FANCA: variants seen among roughly 807,000 people sequenced by gnomAD.
FANCA encodes Fanconi anemia group A protein.
A neutral mutation model predicts 194.3 loss-of-function variants in FANCA; 236 were observed. The ratio of observed to expected loss-of-function variants is 1.21; its 90% CI spans 1.09 to 1.35. FANCA has a LOEUF of 1.35. FANCA is among the 40% of genes most tolerant of loss of function. FANCA has a pLI of 0.00. For synonymous variants in FANCA, 1,014 were observed against 715.8 expected, an observed-to-expected ratio of 1.42 and a Z score of -6.65; for missense variants, 2,628 against 1,813.9, an observed-to-expected ratio of 1.45 and a Z score of -8.15.
intron 2 of FANCA, among the ~76,000 whole-genome samples, chr16:89,815,603 G>C (rs1369410937): frequency 6.6e-6 from 1 of 151,928 alleles, no homozygotes; most frequent in Non-Finnish European, 1.5e-5. Flanking sequence ...TGATCCACCC[G>C]CCTTGGCCTC....
At chr16:89,814,443 C>T (rs1161370357) in intron 3 of FANCA, 77 bp downstream of exon 3, 1 of 1,157,910 alleles carries the variant, frequency 8.6e-7, no homozygotes, top group South Asian at 1.3e-5. Context: ...TACATTTCTA[C>T]TTAATTTAGC....
intron 5 of FANCA, among the ~76,000 whole-genome samples, chr16:89,809,882 T>C (rs1286276319): frequency 1.4e-5 from 2 of 147,610 alleles, no homozygotes; most frequent in African/African-American, 5.0e-5. Context: ...AAAAATTAAC[T>C]GGGCATGGTG....
intron 3 of FANCA, among the ~76,000 whole-genome samples, chr16:89,813,882 AC>A (rs1567656970): frequency 1.3e-5 from 2 of 152,122 alleles, no homozygotes; most frequent in Admixed American, 1.3e-4. Context: ...GCAGAAAAAA[AC>A]AAACTCAAAA....
chr16:89,805,105 T>A (rs565399819), intron 7 of FANCA, among the ~76,000 whole-genome samples, 175 bp downstream of exon 7: 1 of 152,136 alleles, frequency 6.6e-6, no homozygotes, highest in African/African-American at 2.4e-5. Context: ...TATTTCCACA[T>A]CAGTCAAGTA....
chr16:89,779,189 C>T (rs753806885), intron 18 of FANCA, among the ~76,000 whole-genome samples, 186 bp from the exon 19 acceptor site: 4 of 152,124 alleles, frequency 2.6e-5, no homozygotes, highest in Non-Finnish European at 5.9e-5. Context: ...TAGCCCAGCC[C>T]TGAGTCCGTG....
chr16:89,781,366 A>AAAC (rs1470668229), intron 17 of FANCA, among the ~76,000 whole-genome samples: 9 of 144,404 alleles, frequency 6.2e-5, no homozygotes, highest in Non-Finnish European at 1.1e-4. Flanking sequence ...TCCATTCCAA[A>AAAC]AAAAAAAAAA....
chr16:89,764,166 C>G (rs538281951), intron 28 of FANCA, among the ~76,000 whole-genome samples: 1 of 146,660 alleles, frequency 6.8e-6, no homozygotes, highest in East Asian at 2.1e-4. Context: ...TGCTTGAACC[C>G]AGGAGGCAGA....
At position 89,742,784 on chromosome 16, in the gene FANCA, G is replaced by T. The variant is rs745639466; in HGVS notation, c.3765+16C>A. ...CTTGCGAGAAAATAAATCAGTAAAA[G>T]AATTTCCTATCTTGCCTCCTCTCTC... On this transcript the variant is annotated intron_variant, in intron 37 of 42. Transcript: ENST00000389301. The T allele has an allele frequency of 3.8e-6, 6 of 1,599,738 alleles. No individual in the cohort carries two copies. The East Asian group carries it at 6.8e-5, about 18-fold the overall frequency.
At chr16:89,766,306 A>G (rs563897504) in intron 27 of FANCA, among the ~76,000 whole-genome samples, 1 of 152,122 alleles carries the variant, frequency 6.6e-6, no homozygotes, top group East Asian at 1.9e-4. Flanking sequence ...GAAAACCACT[A>G]TTTTATACAC....
At chr16:89,740,288 G>A (rs1177543932) in intron 38 of FANCA, 189 bp from the exon 39 acceptor site, 1 of 613,340 alleles carries the variant, frequency 1.6e-6, no homozygotes, top group African/African-American at 1.8e-5. Context: ...AGGAGGCCAG[G>A]GACTTCGAGC....
At chr16:89,789,976 A>T (rs1332440940) in intron 14 of FANCA, among the ~76,000 whole-genome samples, 3 of 152,278 alleles carry the variant, frequency 2.0e-5, no homozygotes, top group African/African-American at 7.2e-5. Flanking sequence ...GGCGAGTCTA[A>T]TGCCCACTTA....
chr16:89,809,695 CA>C lies in FANCA; in HGVS notation c.522+1011del, dbSNP rs1286109244. Among the ~76,000 whole-genome samples, 4 of 151,338 alleles carry C rather than the reference CA, an allele frequency of 2.6e-5. No individual in the cohort carries two copies. The South Asian group carries it at 6.3e-4, about 24-fold the overall frequency. On this transcript the variant is annotated intron_variant, in intron 5 of 42. Coordinates refer to ENST00000389301, the MANE Select transcript of FANCA (RefSeq NM_000135.4). ...AGAAACCCCGTCTCTACTAAAAATA[CA>C]AAAAAAATTAGCCAGGCATGGTGGC...
At chr16:89,756,761 G>A (rs1474003513) in intron 30 of FANCA, among the ~76,000 whole-genome samples, 1 of 151,362 alleles carries the variant, frequency 6.6e-6, no homozygotes, top group East Asian at 1.9e-4. Context: ...GGGGAAGCTG[G>A]AAGGCTGAAG....
chr16:89,754,239 A>G (rs995772682), intron 30 of FANCA, among the ~76,000 whole-genome samples: 1 of 119,660 alleles, frequency 8.4e-6, no homozygotes, highest in Non-Finnish European at 1.6e-5. Flanking sequence ...AAAAAACAAA[A>G]CAAAACAACA....
chr16:89,793,912 G>A (rs973379419), intron 11 of FANCA, among the ~76,000 whole-genome samples: 2 of 152,098 alleles, frequency 1.3e-5, no homozygotes, highest in Admixed American at 6.6e-5. Context: ...CACCACGCCC[G>A]GCTAATTTTT....
intron 39 of FANCA, 180 bp downstream of exon 39, chr16:89,739,814 G>T: frequency 3.4e-6 from 5 of 1,466,180 alleles, no homozygotes; most frequent in Non-Finnish European, 3.6e-6. Flanking sequence ...GGGTTGACCA[G>T]TGAGCCAGTA....
intron 11 of FANCA, among the ~76,000 whole-genome samples, chr16:89,792,942 G>A (rs1472811100): frequency 6.6e-6 from 1 of 152,168 alleles, no homozygotes; most frequent in Non-Finnish European, 1.5e-5. Flanking sequence ...CATTATTTCT[G>A]CATATCAGAG....
chr16:89,808,501 G>A (rs752804468), intron 5 of FANCA, 134 bp from the exon 6 acceptor site: 33 of 891,692 alleles, frequency 3.7e-5, no homozygotes, highest in Non-Finnish European at 5.7e-5. Flanking sequence ...TTAACCTCAA[G>A]CAAAAACTTA....
chr16:89,814,416 C>T, intron 3 of FANCA, 104 bp downstream of exon 3: 1 of 855,660 alleles, frequency 1.2e-6, no homozygotes, highest in Non-Finnish European at 1.9e-6. Flanking sequence ...AGTGGAAACC[C>T]ATCGCCTGAG....
Sources: gnomAD v4.1 joint callset for allele counts (sites outside exome capture counted in the v4.1 genomes callset) on GRCh38, gnomAD v4.1.1 for gene constraint, MANE v1.5 for transcripts, NCBI Gene and HGNC (gene_info 2026-07-23, HGNC 2026-07-21) for gene names.